DOCK10: variants seen among roughly 807,000 people sequenced by gnomAD.
The protein encoded by DOCK10 is dedicator of cytokinesis protein 10.
In DOCK10, 145 loss-of-function variants were observed where a neutral mutation model predicts 280.1. That is an observed-to-expected ratio of 0.52 (90% CI 0.45 to 0.59). The LOEUF (loss-of-function observed/expected upper bound fraction) is 0.59, where lower values mean the gene tolerates loss of function less well. DOCK10 is among the 20% of genes least tolerant of loss of function. The pLI is 0.00. For synonymous variants in DOCK10, 915 were observed against 942.2 expected (o/e 0.97, Z 0.53); for missense variants, 2,368 against 2,651.7 (o/e 0.89, Z 2.35).
At chr2:224,999,343 T>C (rs1006652105) in intron 1 of DOCK10, among the ~76,000 whole-genome samples, 2 of 151,974 alleles carry the variant, frequency 1.3e-5, no homozygotes, top group Non-Finnish European at 2.9e-5. Flanking sequence ...CCCTACCTCA[T>C]TCATAGTTTA....
intron 1 of DOCK10, among the ~76,000 whole-genome samples, chr2:224,961,184 A>G (rs138746646): frequency 2.0e-5 from 3 of 152,246 alleles, no homozygotes; most frequent in East Asian, 3.9e-4. Context: ...GTGTTTCCCC[A>G]ACTGTATTCT....
intron 4 of DOCK10, among the ~76,000 whole-genome samples, chr2:224,893,912 T>C (rs1699843467): frequency 6.6e-6 from 1 of 152,200 alleles, no homozygotes; most frequent in Non-Finnish European, 1.5e-5. Context: ...CTGACCTAAA[T>C]ACATGTAGTC....
intron 22 of DOCK10, among the ~76,000 whole-genome samples, chr2:224,843,932 T>C (rs1696154525): frequency 6.6e-6 from 1 of 152,210 alleles, no homozygotes. Flanking sequence ...GCAGAGACTC[T>C]GTTGATATCA....
chr2:224,949,528 G>C (rs955764764), intron 1 of DOCK10, among the ~76,000 whole-genome samples: 2 of 152,192 alleles, frequency 1.3e-5, no homozygotes, highest in Admixed American at 1.3e-4. Flanking sequence ...AGGAGTCTGG[G>C]GAAGCTTTAT....
chr2:225,035,634 TGCCATAATAACCAAA>T lies in DOCK10; in HGVS notation c.123+6603_123+6617del, dbSNP rs1222961457. On this transcript the variant is annotated intron_variant, in intron 1 of 55. Coordinates refer to ENST00000258390, the MANE Select transcript of DOCK10 (RefSeq NM_014689.3). ...GTGTGTTGTATTAGTCAGTGCGGGC[TGCCATAATAACCAAA>T]GAATCAGTGTTAATTGTGTGTTGTA... Among the ~76,000 whole-genome samples the T allele has an allele frequency of 1.2e-3, 153 of 130,704 alleles. 2 individuals carry two copies. The highest frequency in any genetic ancestry group is 5.0e-3 in the African/African-American group (145 of 29,254). The allele number at this position is 130,704 out of a possible 152,430, so 85.7% of individuals were successfully genotyped here. A position where few individuals can be genotyped will look rare whatever the true frequency, so the allele number is the denominator to read the frequency against.
At chr2:224,967,359 C>A (rs1040589555) in intron 1 of DOCK10, among the ~76,000 whole-genome samples, 1 of 152,104 alleles carries the variant, frequency 6.6e-6, no homozygotes, top group African/African-American at 2.4e-5. Context: ...GGATTACAGG[C>A]GTGAGCCACC....
At position 224,975,861 on chromosome 2, in the gene DOCK10, A is replaced by T. The variant is rs1705406088; in HGVS notation, c.124-44193T>A. ...GGACCCGAATGTGGGGATTTGCTGA[A>T]GGTCAAAAAGCAAATCAAGTAGAAG... On this transcript the variant is annotated intron_variant, in intron 1 of 55. Transcript: ENST00000258390. Among the ~76,000 whole-genome samples, 5 of 152,336 alleles carry T rather than the reference A, an allele frequency of 3.3e-5. No individual in the cohort carries two copies. In the South Asian group the frequency reaches 1.0e-3, roughly 32 times the overall value.
intron 38 of DOCK10, 103 bp from the exon 39 acceptor site, chr2:224,804,316 A>G (rs1325690851): frequency 3.1e-6 from 2 of 651,786 alleles, no homozygotes; most frequent in Non-Finnish European, 5.3e-6. Flanking sequence ...GAAATATTTC[A>G]CATGCTGTGA....
chr2:224,815,910 C>T (rs1186981886), intron 30 of DOCK10, among the ~76,000 whole-genome samples: 3 of 140,816 alleles, frequency 2.1e-5, no homozygotes, highest in Non-Finnish European at 4.5e-5. Flanking sequence ...GTGGCACACA[C>T]CTGTAGTCCC....
At chr2:224,852,070 G>A (rs972604392) in intron 18 of DOCK10, among the ~76,000 whole-genome samples, 1 of 152,192 alleles carries the variant, frequency 6.6e-6, no homozygotes, top group Non-Finnish European at 1.5e-5. Context: ...CAAGCACGCC[G>A]AATCGAGAGG....
chr2:224,814,560 C>T (rs531822374), intron 30 of DOCK10, among the ~76,000 whole-genome samples, 196 bp from the exon 31 acceptor site: 40 of 152,156 alleles, frequency 2.6e-4, no homozygotes, highest in Middle Eastern at 3.4e-3. Context: ...CTGGCTCTGT[C>T]GCTCAGGCTG....
At position 224,807,847 on chromosome 2, in the gene DOCK10, T is replaced by C. The variant is rs902855451; in HGVS notation, c.3586-63A>G. 778 of 1,582,254 alleles carry C rather than the reference T, an allele frequency of 4.9e-4. 6 individuals are homozygous for C. Among genetic ancestry groups the C allele is most frequent in the Middle Eastern group, 3.3e-4 (2 of 5,988 alleles). On this transcript the variant is annotated intron_variant, in intron 32 of 55. Coordinates refer to ENST00000258390, the MANE Select transcript of DOCK10 (RefSeq NM_014689.3). ...AAAATCAATAGGCTTGTCGGTTTCA[T>C]ATGCATTTAATGCAGTGAGCCATTA...
At chr2:224,828,347 G>A (rs1695002749) in intron 27 of DOCK10, among the ~76,000 whole-genome samples, 1 of 152,152 alleles carries the variant, frequency 6.6e-6, no homozygotes, top group Non-Finnish European at 1.5e-5. Flanking sequence ...AGGACTCACG[G>A]GATGAGCAAC....
At chr2:224,989,064 C>T (rs73993946) in intron 1 of DOCK10, among the ~76,000 whole-genome samples, 2,037 of 152,294 alleles carry the variant, frequency 0.013, 54 homozygotes, top group African/African-American at 0.047. Flanking sequence ...TGGTTGCCCA[C>T]GCTGGAAGAG....
chr2:224,812,698 C>G (rs906112263), intron 31 of DOCK10, among the ~76,000 whole-genome samples: 4 of 152,218 alleles, frequency 2.6e-5, no homozygotes, highest in Admixed American at 6.5e-5. Context: ...TAGCATGAAG[C>G]ATTGTTGAAT....
At chr2:224,940,945 T>G (rs868221592) in intron 1 of DOCK10, among the ~76,000 whole-genome samples, 81 of 152,232 alleles carry the variant, frequency 5.3e-4, no homozygotes, top group African/African-American at 1.8e-3. Context: ...CAAGTCACAT[T>G]TACTGTATTT....
intron 2 of DOCK10, among the ~76,000 whole-genome samples, chr2:224,919,629 T>C (rs535624581): frequency 6.8e-4 from 102 of 150,206 alleles, no homozygotes; most frequent in Non-Finnish European, 1.5e-3. Context: ...GTGGTGTGAA[T>C]GTGTGTGGTG....
chr2:224,921,112 A>AAAAAATATATATATATATAT, intron 2 of DOCK10, among the ~76,000 whole-genome samples: 8 of 54,406 alleles, frequency 1.5e-4, no homozygotes, highest in Non-Finnish European at 1.8e-4. Context: ...AAAAAAAAAA[A>AAAAAATATATATATATATAT]ATATATATAT....
chr2:225,035,566 ATATATATATATATATATATAT>A (rs1559986482), intron 1 of DOCK10, among the ~76,000 whole-genome samples: 4 of 54,632 alleles, frequency 7.3e-5, no homozygotes, highest in East Asian at 6.2e-4. Context: ...ATATATATAT[ATATATATATATATATATATAT>A]AACACTGAAT....
Sources: allele counts gnomAD v4.1 joint callset (sites outside exome capture counted in the v4.1 genomes callset), GRCh38; gene constraint gnomAD v4.1.1; transcripts MANE v1.5; gene names NCBI Gene and HGNC (gene_info 2026-07-23, HGNC 2026-07-21).